EYA2: variants seen among roughly 807,000 people sequenced by gnomAD.
EYA2 encodes the protein protein phosphatase EYA2.
A neutral mutation model predicts 69.2 loss-of-function variants in EYA2; 31 were observed. The observed-to-expected ratio is 0.45, with a 90% confidence interval of 0.34 to 0.60. The LOEUF is 0.60. EYA2 is among the 20% of genes least tolerant of loss of function. The pLI is 0.02. For missense variants in EYA2, 622 were observed against 701.2 expected, an observed-to-expected ratio of 0.89 and a Z score of 1.28; for synonymous variants, 257 against 279.4, an observed-to-expected ratio of 0.92 and a Z score of 0.80.
At chr20:47,155,754 A>G (rs1225057414) in intron 10 of EYA2, among the ~76,000 whole-genome samples, 2 of 151,802 alleles carry the variant, frequency 1.3e-5, no homozygotes, top group Non-Finnish European at 2.9e-5. Context: ...CACAGCTAGT[A>G]AGAAGAATGT....
chr20:46,919,769 C>G (rs1404327617), intron 1 of EYA2, among the ~76,000 whole-genome samples: 1 of 152,238 alleles, frequency 6.6e-6, no homozygotes, highest in African/African-American at 2.4e-5. Context: ...ACATTTGTTG[C>G]AAGAGGCCTA....
intron 1 of EYA2, among the ~76,000 whole-genome samples, chr20:46,963,812 G>A (rs1979625433): frequency 6.6e-6 from 1 of 152,270 alleles, no homozygotes; most frequent in Non-Finnish European, 1.5e-5. Flanking sequence ...CAGGAAAAGT[G>A]CTCTAGGCAG....
intron 12 of EYA2, 102 bp from the exon 13 acceptor site, chr20:47,179,696 G>C: frequency 1.3e-6 from 1 of 753,988 alleles, no homozygotes; most frequent in Admixed American, 2.6e-5. Flanking sequence ...GTTGTCATCT[G>C]ATTTTAACCC....
intron 10 of EYA2, among the ~76,000 whole-genome samples, chr20:47,162,760 G>C (rs147766525): frequency 0.018 from 2,802 of 151,602 alleles, 97 homozygotes; most frequent in African/African-American, 0.064. Context: ...CTCAGGAGAT[G>C]CACCCTCTTT....
In EYA2 at chr20:47,091,666, G is replaced by A. The variant is rs545662117; in HGVS notation, c.804+2285G>A. Among the ~76,000 whole-genome samples, 13 of 151,078 alleles carry A rather than the reference G, an allele frequency of 8.6e-5. No homozygotes were observed. The South Asian group carries it at 2.5e-3, about 29-fold the overall frequency. ...GGGCTGAAGTGGAAGGATCAATTGA[G>A]CCCAGGAGGTAGAGGCTGCGTTGAG... On this transcript the variant is annotated intron_variant, in intron 8 of 15. Coordinates refer to ENST00000327619, the MANE Select transcript of EYA2 (RefSeq NM_005244.5).
chr20:47,056,215 T>G (rs1025989161), intron 5 of EYA2, among the ~76,000 whole-genome samples: 1 of 152,106 alleles, frequency 6.6e-6, no homozygotes, highest in African/African-American at 2.4e-5. Flanking sequence ...GGTTTGGAGT[T>G]TTTAAGACGG....
chr20:46,955,792 A>T (rs1159643600), intron 1 of EYA2, among the ~76,000 whole-genome samples: 1 of 152,170 alleles, frequency 6.6e-6, no homozygotes, highest in Non-Finnish European at 1.5e-5. Context: ...CATGTTGCTT[A>T]TATGTTACAA....
intron 5 of EYA2, among the ~76,000 whole-genome samples, chr20:47,062,842 C>T (rs1300793976): frequency 6.6e-6 from 1 of 152,090 alleles, no homozygotes; most frequent in Non-Finnish European, 1.5e-5. Context: ...GATTTGTTCC[C>T]TCAACTCCGG....
At chr20:47,075,893 C>T (rs1360927920) in intron 7 of EYA2, among the ~76,000 whole-genome samples, 2 of 152,092 alleles carry the variant, frequency 1.3e-5, no homozygotes, top group Non-Finnish European at 2.9e-5. Context: ...TCTATTGTTC[C>T]CTTCTTTGTA....
intron 1 of EYA2, among the ~76,000 whole-genome samples, chr20:46,976,111 T>G (rs923017996): frequency 2.0e-5 from 3 of 151,652 alleles, no homozygotes; most frequent in African/African-American, 7.3e-5. Context: ...CTGTAATCCC[T>G]GCACCTCGGG....
intron 1 of EYA2, among the ~76,000 whole-genome samples, chr20:46,911,443 G>A (rs994484361): frequency 3.3e-5 from 5 of 152,204 alleles, no homozygotes; most frequent in Non-Finnish European, 5.9e-5. Flanking sequence ...GGCAGTAGAG[G>A]TTATGAGTTG....
At chr20:46,935,537 C>T (rs6012083) in intron 1 of EYA2, among the ~76,000 whole-genome samples, 8,529 of 152,218 alleles carry the variant, frequency 0.056, 734 homozygotes, top group African/African-American at 0.18. Context: ...CTCTTGGAAA[C>T]TGGGCACCAT....
intron 15 of EYA2, among the ~76,000 whole-genome samples, 192 bp downstream of exon 15, chr20:47,183,583 C>T (rs188331607): frequency 6.6e-6 from 1 of 152,138 alleles, no homozygotes; most frequent in Admixed American, 6.5e-5. Context: ...TACAAATCCC[C>T]CTCTCTGCCT....
chr20:47,098,860 C>A (rs2032340453), intron 9 of EYA2, among the ~76,000 whole-genome samples: 1 of 152,240 alleles, frequency 6.6e-6, no homozygotes, highest in African/African-American at 2.4e-5. Context: ...GCCTCCAAGG[C>A]TCTTCATGAG....
intron 1 of EYA2, among the ~76,000 whole-genome samples, chr20:46,989,226 CACTT>C (rs1981487794): frequency 6.6e-6 from 1 of 152,076 alleles, no homozygotes; most frequent in Non-Finnish European, 1.5e-5. Context: ...TTGTTAATGA[CACTT>C]ACGCCTTTTG....
chr20:46,970,487 C>T (rs555140436), intron 1 of EYA2, among the ~76,000 whole-genome samples: 3 of 152,204 alleles, frequency 2.0e-5, no homozygotes, highest in Admixed American at 2.0e-4. Context: ...CCTGCAATTC[C>T]CTGTACAACA....
intron 5 of EYA2, among the ~76,000 whole-genome samples, chr20:47,036,207 G>T (rs1984700956): frequency 6.6e-6 from 1 of 152,198 alleles, no homozygotes; most frequent in Admixed American, 6.5e-5. Flanking sequence ...CCGGGATCAG[G>T]GCCGGGACTA....
intron 5 of EYA2, among the ~76,000 whole-genome samples, chr20:47,058,789 A>T (rs553820666): frequency 6.6e-6 from 1 of 152,160 alleles, no homozygotes; most frequent in Admixed American, 6.5e-5. Context: ...GTGGTGAGCT[A>T]TGATCGTGCC....
intron 5 of EYA2, among the ~76,000 whole-genome samples, chr20:47,044,228 T>A (rs1160766740): frequency 6.6e-6 from 1 of 152,180 alleles, no homozygotes; most frequent in East Asian, 1.9e-4. Flanking sequence ...GTGAGAGGCC[T>A]TTTTCTAGCG....
Sources: allele counts gnomAD v4.1 joint callset (sites outside exome capture counted in the v4.1 genomes callset), GRCh38; gene constraint gnomAD v4.1.1; transcripts MANE v1.5; gene names NCBI Gene and HGNC (gene_info 2026-07-23, HGNC 2026-07-21).